Variants in DNAAF11 observed in about 807,000 individuals in gnomAD.
DNAAF11 encodes dynein axonemal assembly factor 11.
DNAAF11 carries 45 observed loss-of-function variants against 60.8 expected under a neutral mutation model. The observed-to-expected ratio is 0.74, with a 90% CI of 0.58 to 0.95. DNAAF11 has a LOEUF of 0.95. Ranked by LOEUF, DNAAF11 falls within the 40% of genes least tolerant of loss-of-function variation. The pLI, the probability that DNAAF11 is intolerant of heterozygous loss-of-function variation, is 0.00. For synonymous variants in DNAAF11, 191 were observed against 183.5 expected, an observed-to-expected ratio of 1.04 and a Z score of -0.33; for missense variants, 546 against 546.2, an observed-to-expected ratio of 1.00 and a Z score of 0.00.
chr8:132,687,088 T>C, the DNAAF11 span, among the ~76,000 whole-genome samples: 1 of 152,174 alleles, frequency 6.6e-6, no homozygotes, highest in Admixed American at 6.5e-5. Flanking sequence ...GCTGAATGAA[T>C]AATTAAATAA....
chr8:132,607,495 C>T (rs1450418787), intron 10 of DNAAF11, among the ~76,000 whole-genome samples: 3 of 152,118 alleles, frequency 2.0e-5, no homozygotes, highest in Non-Finnish European at 4.4e-5. Flanking sequence ...CCATGACCCA[C>T]ATGACAGGGA....
chr8:132,681,591 A>C, the DNAAF11 span, among the ~76,000 whole-genome samples: 1 of 152,144 alleles, frequency 6.6e-6, no homozygotes, highest in South Asian at 2.1e-4. Context: ...AAAGCACTGG[A>C]AAATTCCAGT....
At position 132,616,815 on chromosome 8, in the gene DNAAF11, G is replaced by A. The variant is rs1245645351; in HGVS notation, c.915-1718C>T. Reference sequence around the variant, plus strand: ...TTCTATAGAAGGGCACTTCCTGCATGCAAGGCAGAGGCAAGGGAGAGTGAG... The same window carrying A: ...TTCTATAGAAGGGCACTTCCTGCATACAAGGCAGAGGCAAGGGAGAGTGAG... On this transcript the variant is annotated intron_variant, in intron 7 of 11. Coordinates refer to ENST00000620350, the MANE Select transcript of DNAAF11 (RefSeq NM_012472.6). Among the ~76,000 whole-genome samples the A allele has an allele frequency of 2.0e-5, 3 of 152,212 alleles. No individual in the cohort carries two copies. In the East Asian group the frequency reaches 5.8e-4, roughly 29 times the overall value.
At chr8:132,620,654 T>C (rs1201735955) in intron 7 of DNAAF11, among the ~76,000 whole-genome samples, 1 of 152,192 alleles carries the variant, frequency 6.6e-6, no homozygotes, top group Admixed American at 6.5e-5. Flanking sequence ...ATTTCTGTGA[T>C]GAACCATAAA....
intron 1 of DNAAF11, among the ~76,000 whole-genome samples, chr8:132,664,334 T>C (rs1824416948): frequency 6.6e-6 from 1 of 152,130 alleles, no homozygotes; most frequent in Admixed American, 6.5e-5. Context: ...CTGCTCAAGG[T>C]ATCACAGGCG....
At chr8:132,663,725 T>C (rs569691890) in intron 1 of DNAAF11, among the ~76,000 whole-genome samples, 4 of 152,250 alleles carry the variant, frequency 2.6e-5, no homozygotes, top group South Asian at 2.1e-4. Flanking sequence ...CCATGGCCCA[T>C]GGAAGGAACA....
intron 1 of DNAAF11, chr8:132,675,124 G>A (rs963065533): frequency 3.4e-6 from 1 of 292,448 alleles, no homozygotes; most frequent in East Asian, 5.7e-5. Flanking sequence ...ACTGGCCCAC[G>A]TTCACAGCCA....
intron 11 of DNAAF11, among the ~76,000 whole-genome samples, chr8:132,576,868 C>G (rs1814804105): frequency 6.6e-6 from 1 of 152,110 alleles, no homozygotes; most frequent in Admixed American, 6.5e-5. Context: ...CTCACTGATG[C>G]AGAAGTGGAA....
chr8:132,617,024 T>C (rs1819233499), intron 7 of DNAAF11, among the ~76,000 whole-genome samples: 1 of 152,104 alleles, frequency 6.6e-6, no homozygotes. Context: ...CTTGGGGTGT[T>C]TGGGCACAGT....
chr8:132,577,894 C>T (rs1000764123), intron 11 of DNAAF11, among the ~76,000 whole-genome samples: 6 of 151,652 alleles, frequency 4.0e-5, no homozygotes, highest in South Asian at 2.1e-4. Context: ...CTTGAACTTC[C>T]GACCTCAGGT....
chr8:132,656,485 G>T (rs3930713), intron 3 of DNAAF11, among the ~76,000 whole-genome samples: 24,185 of 151,694 alleles, frequency 0.16, 2,976 homozygotes, highest in African/African-American at 0.34. Context: ...TTTTCTTTTT[G>T]GGGAGGACGG....
chr8:132,627,576 T>C (rs1820398626), intron 5 of DNAAF11, among the ~76,000 whole-genome samples: 1 of 152,152 alleles, frequency 6.6e-6, no homozygotes. Flanking sequence ...AAAGTTTAAA[T>C]AAAAGTTCAG....
chr8:132,572,484 T>A lies in DNAAF11; in HGVS notation c.1227-4A>T, dbSNP rs759113916. On this transcript the variant is annotated splice_region_variant and splice_polypyrimidine_tract_variant and intron_variant, in intron 11 of 11. Transcript: ENST00000620350. ...TAGTTTCTCCATGTGCTTGCTTCTATAACAACAAAAAAAGACAAACAGAAA... is the reference window on the plus strand; with the variant it reads ...TAGTTTCTCCATGTGCTTGCTTCTAAAACAACAAAAAAAGACAAACAGAAA... The A allele has an allele frequency of 1.3e-6, 2 of 1,573,010 alleles. No homozygotes were observed. The highest frequency in any genetic ancestry group is 1.9e-5 in the Admixed American group (1 of 52,040).
the DNAAF11 span, among the ~76,000 whole-genome samples, chr8:132,682,260 C>T: frequency 6.6e-6 from 1 of 152,146 alleles, no homozygotes; most frequent in African/African-American, 2.4e-5. Flanking sequence ...CCCTGAGGCT[C>T]CATGTTAAAG....
chr8:132,655,365 A>G (rs1823440172), intron 3 of DNAAF11, among the ~76,000 whole-genome samples: 1 of 152,090 alleles, frequency 6.6e-6, no homozygotes, highest in Non-Finnish European at 1.5e-5. Context: ...CTCTCTGAAA[A>G]AAATCGAATA....
At chr8:132,617,231 T>C (rs984173514) in intron 7 of DNAAF11, among the ~76,000 whole-genome samples, 12 of 152,050 alleles carry the variant, frequency 7.9e-5, no homozygotes, top group African/African-American at 2.7e-4. Flanking sequence ...TGGGATTTGG[T>C]GAGAGCCATG....
At chr8:132,665,525 G>A (rs1450781099) in intron 1 of DNAAF11, among the ~76,000 whole-genome samples, 2 of 151,844 alleles carry the variant, frequency 1.3e-5, no homozygotes, top group Non-Finnish European at 2.9e-5. Context: ...TCAGAGAAAT[G>A]CAAATTAAAA....
Position 132,570,553 on chromosome 8 carries a change from T to C in DNAAF11, c.*1753A>G, listed in dbSNP as rs1300947406. ...CAAGTTGGTAGAGGTTGAGTTCTGT[T>C]GGATTATGATATGTCAAGTTGGCTA... On this transcript the variant is annotated 3_prime_UTR_variant, in exon 12 of 12. Coordinates refer to ENST00000620350, the MANE Select transcript of DNAAF11 (RefSeq NM_012472.6). Among the ~76,000 whole-genome samples the C allele has an allele frequency of 6.6e-6, 1 of 152,192 alleles. No individual in the cohort carries two copies. Among genetic ancestry groups the C allele is most frequent in the South Asian group, 2.1e-4 (1 of 4,830 alleles).
the DNAAF11 span, among the ~76,000 whole-genome samples, chr8:132,693,265 C>T: frequency 7.1e-4 from 108 of 152,190 alleles, no homozygotes; most frequent in African/African-American, 1.8e-3. Flanking sequence ...CAAAAGACAA[C>T]GGAAAAATGG....
Sources: allele counts gnomAD v4.1 joint callset (sites outside exome capture counted in the v4.1 genomes callset), GRCh38; gene constraint gnomAD v4.1.1; transcripts MANE v1.5; gene names NCBI Gene and HGNC (gene_info 2026-07-23, HGNC 2026-07-21).